The following LY96 variants were observed in gnomAD, a reference collection of about 807,000 sequenced individuals.
LY96 encodes the protein myeloid differentiation protein-2.
In LY96, 18 loss-of-function variants were observed where a neutral mutation model predicts 18.9. The ratio of observed to expected loss-of-function variants is 0.95; its 90% CI spans 0.66 to 1.41. The LOEUF (loss-of-function observed/expected upper bound fraction) is 1.41. Ranked by LOEUF, LY96 falls within the 40% of genes most tolerant of loss-of-function variation. The pLI, the probability that LY96 is intolerant of heterozygous loss-of-function variation, is 0.00. For missense variants in LY96, 175 were observed against 182.4 expected, an observed-to-expected ratio of 0.96 and a Z score of 0.23; for synonymous variants, 66 against 62.6, an observed-to-expected ratio of 1.06 and a Z score of -0.26.
intron 1 of LY96, among the ~76,000 whole-genome samples, chr8:73,996,332 C>A (rs1487645448): frequency 7.9e-6 from 1 of 127,002 alleles, no homozygotes; most frequent in Admixed American, 8.2e-5. Context: ...TTCCTTCCTT[C>A]CTTCCTTCCT....
chr8:74,018,238 TA>T (rs898873889), intron 3 of LY96, among the ~76,000 whole-genome samples: 33 of 145,126 alleles, frequency 2.3e-4, no homozygotes, highest in Admixed American at 9.6e-4. Context: ...CAAAAAAAAA[TA>T]AAAAAAATAA....
downstream of LY96, among the ~76,000 whole-genome samples, chr8:74,032,704 A>G (rs114629416): frequency 2.9e-3 from 436 of 152,310 alleles, 2 homozygotes; most frequent in African/African-American, 9.2e-3. Context: ...CTGCTACACA[A>G]TAAATTGTAA....
chr8:74,030,900 G>A (rs1451987689), downstream of LY96, among the ~76,000 whole-genome samples: 1 of 152,194 alleles, frequency 6.6e-6, no homozygotes, highest in African/African-American at 2.4e-5. Flanking sequence ...AGACTTGGAG[G>A]ACAGGCTTTC....
In LY96 at chr8:74,029,018, G is replaced by A. The variant is rs1816924817; in HGVS notation, c.447G>A (p.Leu149=). 1 of 1,611,828 alleles carries A rather than the reference G, an allele frequency of 6.2e-7. No individual in the cohort carries two copies. The highest frequency in any genetic ancestry group is 8.5e-7 in the Non-Finnish European group (1 of 1,178,674). The part of the protein sequence containing the change: ...SGSPEEMLFC[L]EFVILHQPNS... ...GCCCAGAAGAAATGCTCTTTTGCTTGGAGTTTGTCATCCTACACCAACCTA... is the reference window on the plus strand; with the variant it reads ...GCCCAGAAGAAATGCTCTTTTGCTTAGAGTTTGTCATCCTACACCAACCTA... The change falls in exon 5 of 5, where the codon TTG becomes TTA. Residue 149 remains leucine (L), a synonymous_variant. Coordinates refer to ENST00000284818, the MANE Select transcript of LY96 (RefSeq NM_015364.5).
the LY96 span, among the ~76,000 whole-genome samples, chr8:74,098,806 G>T: frequency 6.6e-6 from 1 of 152,170 alleles, no homozygotes; most frequent in Non-Finnish European, 1.5e-5. Context: ...AACTTTTGGT[G>T]ACATAATTGC....
At chr8:74,000,848 A>G (rs954548705) in intron 1 of LY96, among the ~76,000 whole-genome samples, 1 of 152,186 alleles carries the variant, frequency 6.6e-6, no homozygotes, top group South Asian at 2.1e-4. Context: ...GCATCATCCC[A>G]TGGCAGAAGG....
the LY96 span, among the ~76,000 whole-genome samples, chr8:74,063,367 G>A: frequency 1.3e-5 from 2 of 152,160 alleles, no homozygotes; most frequent in Non-Finnish European, 2.9e-5. Context: ...AGGAGAATTA[G>A]CTCTGCTTTT....
the LY96 span, among the ~76,000 whole-genome samples, chr8:74,071,083 G>A: frequency 6.6e-6 from 1 of 152,004 alleles, no homozygotes; most frequent in Non-Finnish European, 1.5e-5. Flanking sequence ...AACTTTCCTC[G>A]GTCACACAGC....
At chr8:74,036,388 G>T in the LY96 span, among the ~76,000 whole-genome samples, 1 of 152,086 alleles carries the variant, frequency 6.6e-6, no homozygotes, top group Admixed American at 6.6e-5. Flanking sequence ...TACTGCTAAG[G>T]AGTTACATGG....
the LY96 span, among the ~76,000 whole-genome samples, chr8:74,038,337 C>A: frequency 6.6e-6 from 1 of 152,154 alleles, no homozygotes; most frequent in Non-Finnish European, 1.5e-5. Flanking sequence ...CCCCACTCCT[C>A]TGTGCCACCC....
rs963382304 is a variant in LY96, at chr8:74,004,789, C to T, written c.113-7C>T. On this transcript the variant is annotated splice_polypyrimidine_tract_variant and splice_region_variant and intron_variant, in intron 1 of 4. Transcript: ENST00000284818. Reference sequence around the variant, plus strand: ...TAATTTATTGACATTATCTTTATTGCTTTTAGATAAAATGCAATACCCAAT... The same window carrying T: ...TAATTTATTGACATTATCTTTATTGTTTTTAGATAAAATGCAATACCCAAT... 6 of 1,557,440 alleles carry T rather than the reference C, an allele frequency of 3.9e-6. No individual in the cohort carries two copies. Among genetic ancestry groups the T allele is most frequent in the Admixed American group, 1.7e-5 (1 of 59,242 alleles).
chr8:74,088,794 C>T, the LY96 span, among the ~76,000 whole-genome samples: 54 of 152,260 alleles, frequency 3.5e-4, no homozygotes, highest in African/African-American at 1.2e-3. Flanking sequence ...CAGTGTTGGC[C>T]AGGCTAGTCT....
chr8:74,013,524 G>A (rs1816574792), intron 3 of LY96, among the ~76,000 whole-genome samples: 1 of 152,086 alleles, frequency 6.6e-6, no homozygotes, highest in Non-Finnish European at 1.5e-5. Flanking sequence ...CTGGGCTCAA[G>A]TGATCCTCCT....
the LY96 span, among the ~76,000 whole-genome samples, chr8:74,069,909 T>C: frequency 6.6e-6 from 1 of 152,094 alleles, no homozygotes; most frequent in Non-Finnish European, 1.5e-5. Context: ...GCCCATTTAT[T>C]TGTTAGAAAA....
chr8:74,012,993 G>C (rs1816560407), intron 3 of LY96, among the ~76,000 whole-genome samples: 2 of 151,948 alleles, frequency 1.3e-5, no homozygotes, highest in Non-Finnish European at 2.9e-5. Flanking sequence ...TTGTGGCTCT[G>C]TCACCCAGAT....
At chr8:74,030,696 C>T (rs553408466), downstream of LY96, among the ~76,000 whole-genome samples, 2 of 152,004 alleles carry the variant, frequency 1.3e-5, no homozygotes, top group South Asian at 2.1e-4. Context: ...CTCCAGACAA[C>T]GTAGCAGCTT....
chr8:74,030,743 A>C (rs545300928), downstream of LY96, among the ~76,000 whole-genome samples: 1 of 152,218 alleles, frequency 6.6e-6, no homozygotes, highest in African/African-American at 2.4e-5. Flanking sequence ...AAAGTACAAC[A>C]TTCATTGAAA....
At chr8:74,059,494 A>G in the LY96 span, among the ~76,000 whole-genome samples, 2 of 152,242 alleles carry the variant, frequency 1.3e-5, no homozygotes, top group African/African-American at 2.4e-5. Flanking sequence ...CTGACACAGA[A>G]TAGATAATTA....
chr8:74,075,278 T>G, the LY96 span, among the ~76,000 whole-genome samples: 1 of 152,220 alleles, frequency 6.6e-6, no homozygotes, highest in African/African-American at 2.4e-5. Context: ...TATTTGTATT[T>G]TTTATTTTCT....
Sources: gnomAD v4.1 joint callset for allele counts (sites outside exome capture counted in the v4.1 genomes callset) on GRCh38, gnomAD v4.1.1 for gene constraint, MANE v1.5 for transcripts, NCBI Gene and HGNC (gene_info 2026-07-23, HGNC 2026-07-21) for gene names.